Variants in PCDHGB4 observed in about 807,000 individuals in gnomAD.
PCDHGB4 encodes protocadherin gamma subfamily B, 4.
In PCDHGB4, 38 loss-of-function variants were observed where a neutral mutation model predicts 60.5. The ratio of observed to expected loss-of-function variants is 0.63; its 90% CI spans 0.48 to 0.82. PCDHGB4 has a LOEUF of 0.82. Ranked by LOEUF, PCDHGB4 falls within the 40% of genes least tolerant of loss-of-function variation. PCDHGB4 has a pLI of 0.00. For synonymous variants in PCDHGB4, 456 were observed against 509.7 expected, an observed-to-expected ratio of 0.89 and a Z score of 1.42; for missense variants, 1,109 against 1,209.6, an observed-to-expected ratio of 0.92 and a Z score of 1.23.
intron 1 of PCDHGB4, among the ~76,000 whole-genome samples, chr5:141,463,377 G>T (rs1161419035): frequency 2.7e-5 from 4 of 147,358 alleles, no homozygotes; most frequent in Non-Finnish European, 3.0e-5. Flanking sequence ...CCCACAGTCT[G>T]AAAGTTGTCT....
intron 3 of PCDHGB4, among the ~76,000 whole-genome samples, chr5:141,508,711 T>G (rs1201917424): frequency 6.6e-6 from 1 of 152,058 alleles, no homozygotes; most frequent in Admixed American, 6.5e-5. Flanking sequence ...CTCATTCTTT[T>G]CTGTGTGCAG....
chr5:141,490,051 G>A lies in PCDHGB4; in HGVS notation c.2398-4756G>A, dbSNP rs779280988. The A allele has an allele frequency of 6.2e-6, 10 of 1,614,094 alleles. No homozygotes were observed. Among genetic ancestry groups the A allele is most frequent in the Admixed American group, 5.0e-5 (3 of 60,012 alleles). ...CCGCCTCAATGCCACTGATCCAGAC[G>A]AGGGCACCAACGGCCAACTAGACTA... On this transcript the variant is annotated intron_variant, in intron 1 of 3. Coordinates refer to ENST00000519479, the MANE Select transcript of PCDHGB4 (RefSeq NM_003736.4). The surrounding 1 kb of genome is among the most constrained non-coding windows in gnomAD (Gnocchi z 5.4).
chr5:141,400,928 G>T (rs1365073405), intron 1 of PCDHGB4, among the ~76,000 whole-genome samples: 1 of 152,154 alleles, frequency 6.6e-6, no homozygotes, highest in African/African-American at 2.4e-5. Flanking sequence ...ACTGCTAGTA[G>T]ATGTCTTTCT....
chr5:141,409,541 G>C lies in PCDHGB4; in HGVS notation c.2397+19260G>C, dbSNP rs1485327824. ...CACCTTGTATGTCGCTGACATCAAC[G>C]ACAACGCCCCAGTTTTCGACCAGAC... On this transcript the variant is annotated intron_variant, in intron 1 of 3. Coordinates refer to ENST00000519479, the MANE Select transcript of PCDHGB4 (RefSeq NM_003736.4). 16 of 1,613,852 alleles carry C rather than the reference G, an allele frequency of 9.9e-6. No homozygotes were observed. Among genetic ancestry groups the C allele is most frequent in the Admixed American group, 1.7e-5 (1 of 60,016 alleles).
intron 1 of PCDHGB4, chr5:141,414,279 A>G (rs1369675815): frequency 1.9e-6 from 3 of 1,613,350 alleles, no homozygotes; most frequent in Admixed American, 3.3e-5. Context: ...CTCTGGGAAC[A>G]GTCGTAGCCC....
In PCDHGB4 at chr5:141,432,296, G is replaced by A. The variant is rs895669878; in HGVS notation, c.2397+42015G>A. The A allele has an allele frequency of 2.5e-6, 4 of 1,614,106 alleles. No homozygotes were observed. The highest frequency in any genetic ancestry group is 1.1e-5 in the South Asian group (1 of 91,082). The stretch of plus-strand genomic sequence containing the variant: ...CGTGTCCATCAACTCCGACACTGGG[G>A]TACTGTATGCGCTGAGCTCCTTCGA... On this transcript the variant is annotated intron_variant, in intron 1 of 3. Transcript: ENST00000519479. The surrounding 1 kb of genome is among the most constrained non-coding windows in gnomAD (Gnocchi z 6.0).
At chr5:141,457,289 G>C (rs907200077) in intron 1 of PCDHGB4, among the ~76,000 whole-genome samples, 2 of 152,146 alleles carry the variant, frequency 1.3e-5, no homozygotes, top group African/African-American at 4.8e-5. Flanking sequence ...GAAGTTCCTT[G>C]GTTTTATTTT....
intron 1 of PCDHGB4, chr5:141,415,740 G>GTTTTTTTTTTTTTTTTTTT (rs57426385): frequency 1.1e-5 from 7 of 625,046 alleles, no homozygotes; most frequent in Admixed American, 7.1e-5. Context: ...GTTTATTAAG[G>GTTTTTTTTTTTTTTTTTTT]TTTTTTTTTT....
At position 141,511,516 on chromosome 5, in the gene PCDHGB4, T is replaced by A. The variant is rs2099883825; in HGVS notation, c.*343T>A. ...CTTCCAAATCAATCAGGCCCATCCA[T>A]CCCATGCCTCCCTCCTCCCCACCCC... is the stretch of plus-strand genomic sequence containing the variant. On this transcript the variant is annotated 3_prime_UTR_variant, in exon 4 of 4. Transcript: ENST00000519479. 1 of 365,020 alleles carries A rather than the reference T, an allele frequency of 2.7e-6. No individual in the cohort carries two copies. Among genetic ancestry groups the A allele is most frequent in the Admixed American group, 4.0e-5 (1 of 25,162 alleles). The allele number at this position is 365,020 out of a possible 1,614,324, so 22.6% of individuals were successfully genotyped here.
chr5:141,478,199 C>G, intron 1 of PCDHGB4: 1 of 1,614,056 alleles, frequency 6.2e-7, no homozygotes, highest in Non-Finnish European at 8.5e-7. Flanking sequence ...CTTTTATCTA[C>G]TTCTTTCTCT....
intron 1 of PCDHGB4, among the ~76,000 whole-genome samples, chr5:141,462,771 G>C (rs1295560657): frequency 6.6e-6 from 1 of 152,088 alleles, no homozygotes; most frequent in Non-Finnish European, 1.5e-5. Context: ...CTGGCTTGGG[G>C]TCATAATTTG....
Position 141,485,870 on chromosome 5 carries a change from C to T in PCDHGB4, c.2398-8937C>T. The stretch of plus-strand genomic sequence containing the variant: ...CACCGCAGAGCTCCGGGTATCCGTG[C>T]TGGACGTAAACGACAACGCCCCAGC... On this transcript the variant is annotated intron_variant, in intron 1 of 3. Coordinates refer to ENST00000519479, the MANE Select transcript of PCDHGB4 (RefSeq NM_003736.4). This position sits in a 1 kb window ranked among gnomAD's most constrained non-coding sequence, Gnocchi z 5.7. 6.2e-7 allele frequency: 1 copy of T among 1,614,174 alleles called. No homozygotes were observed. The highest frequency in any genetic ancestry group is 8.5e-7 in the Non-Finnish European group (1 of 1,180,032).
chr5:141,428,190 T>C (rs1348507135), intron 1 of PCDHGB4: 2 of 1,429,918 alleles, frequency 1.4e-6, no homozygotes, highest in Non-Finnish European at 1.9e-6. Flanking sequence ...CAGCCGCCGC[T>C]CTCTGCGCCG....
At chr5:141,408,513 T>C in intron 1 of PCDHGB4, 2 of 1,614,034 alleles carry the variant, frequency 1.2e-6, no homozygotes, top group East Asian at 4.5e-5. Context: ...AGATGTGAGT[T>C]GCAATTGGAA....
At chr5:141,414,897 C>A (rs2095799678) in intron 1 of PCDHGB4, 7 of 1,614,230 alleles carry the variant, frequency 4.3e-6, no homozygotes, top group Non-Finnish European at 5.9e-6. Flanking sequence ...TCCCCACAGA[C>A]GGTTCCACAG....
chr5:141,437,076 A>T (rs1018228245), intron 1 of PCDHGB4, among the ~76,000 whole-genome samples: 2 of 152,236 alleles, frequency 1.3e-5, no homozygotes, highest in African/African-American at 4.8e-5. Context: ...TTTGGGCCAT[A>T]TAAGAATTGA....
chr5:141,409,442 C>T, intron 1 of PCDHGB4: 2 of 1,613,998 alleles, frequency 1.2e-6, no homozygotes, highest in Non-Finnish European at 1.7e-6. Flanking sequence ...GGACCGAGAG[C>T]AGACACCAGA....
chr5:141,504,200 G>C (rs1232187138), intron 2 of PCDHGB4, among the ~76,000 whole-genome samples: 1 of 152,154 alleles, frequency 6.6e-6, no homozygotes, highest in Non-Finnish European at 1.5e-5. Context: ...TTGTCACTGT[G>C]GGAAAATTCC....
At chr5:141,398,759 T>A (rs1313274991) in intron 1 of PCDHGB4, 2 of 1,613,904 alleles carry the variant, frequency 1.2e-6, no homozygotes, top group Non-Finnish European at 1.7e-6. Context: ...CATCGTTTAG[T>A]CCTGACTGCC....
Sources: gnomAD v4.1 joint callset for allele counts (sites outside exome capture counted in the v4.1 genomes callset) on GRCh38, gnomAD v4.1.1 for gene constraint, Gnocchi (gnomAD v3.1) non-coding constraint, MANE v1.5 for transcripts, NCBI Gene and HGNC (gene_info 2026-07-23, HGNC 2026-07-21) for gene names.